THUMPD2: variants seen among roughly 807,000 people sequenced by gnomAD.
The protein encoded by THUMPD2 is THUMP domain 2 tRNA and snRNA guanosine methyltransferase, also known as U6 snRNA (guanine-N(2))-methyltransferase THUMPD2.
In THUMPD2, 56 loss-of-function variants were observed where a neutral mutation model predicts 49.4. The observed-to-expected ratio is 1.13, with a 90% CI of 0.91 to 1.41. The LOEUF (loss-of-function observed/expected upper bound fraction) is 1.41, where lower values mean the gene tolerates loss of function less well. THUMPD2 is among the 40% of genes most tolerant of loss of function. THUMPD2 has a pLI of 0.00. For synonymous variants in THUMPD2, 237 were observed against 205.2 expected, an observed-to-expected ratio of 1.15 and a Z score of -1.32; for missense variants, 709 against 594.5, an observed-to-expected ratio of 1.19 and a Z score of -2.00.
intron 4 of THUMPD2, among the ~76,000 whole-genome samples, chr2:39,766,690 T>C (rs912868917): frequency 6.6e-6 from 1 of 152,234 alleles, no homozygotes; most frequent in African/African-American, 2.4e-5. Flanking sequence ...AGAATCTTAC[T>C]TTTGTAGCCT....
At chr2:39,763,904 G>A (rs1677161505) in intron 5 of THUMPD2, among the ~76,000 whole-genome samples, 1 of 151,684 alleles carries the variant, frequency 6.6e-6, no homozygotes, top group Non-Finnish European at 1.5e-5. Context: ...CTTAAACAAG[G>A]CACTTCATGG....
chr2:39,776,383 C>T (rs1679094317), intron 1 of THUMPD2, among the ~76,000 whole-genome samples: 1 of 146,622 alleles, frequency 6.8e-6, no homozygotes, highest in Non-Finnish European at 1.5e-5. Context: ...ACCATAGAGA[C>T]TCAGTATACT....
intron 3 of THUMPD2, chr2:39,769,002 G>T (rs898605164): frequency 7.7e-7 from 1 of 1,304,642 alleles, no homozygotes; most frequent in Non-Finnish European, 1.0e-6. Context: ...TCTGGTGATG[G>T]CAACAGTTTG....
intron 9 of THUMPD2, among the ~76,000 whole-genome samples, chr2:39,738,177 T>A (rs1449551477): frequency 2.6e-5 from 4 of 152,066 alleles, no homozygotes; most frequent in Non-Finnish European, 5.9e-5. Flanking sequence ...AGAAGACCCA[T>A]GAAGTAGACA....
chr2:39,768,987 T>C, intron 3 of THUMPD2: 1 of 1,303,686 alleles, frequency 7.7e-7, no homozygotes, highest in Non-Finnish European at 1.0e-6. Context: ...GGCCAACTGA[T>C]GAGGTCTGGT....
intron 1 of THUMPD2, among the ~76,000 whole-genome samples, chr2:39,773,197 A>T (rs1437466571): frequency 6.6e-6 from 1 of 152,212 alleles, no homozygotes; most frequent in Non-Finnish European, 1.5e-5. Context: ...GAAACTTGAA[A>T]ACAAAGTTTC....
chr2:39,760,461 T>A (rs560887915), intron 6 of THUMPD2, among the ~76,000 whole-genome samples: 1 of 152,236 alleles, frequency 6.6e-6, no homozygotes, highest in South Asian at 2.1e-4. Flanking sequence ...GATTAGCAAG[T>A]AACTTGGTCA....
At chr2:39,770,347 A>C (rs1465816962) in intron 2 of THUMPD2, among the ~76,000 whole-genome samples, 2 of 152,142 alleles carry the variant, frequency 1.3e-5, no homozygotes, top group Non-Finnish European at 2.9e-5. Context: ...TTGTGTTAAA[A>C]TTCCTATAGA....
At chr2:39,749,580 T>G (rs1229248328) in intron 8 of THUMPD2, among the ~76,000 whole-genome samples, 1 of 152,238 alleles carries the variant, frequency 6.6e-6, no homozygotes, top group Non-Finnish European at 1.5e-5. Context: ...CTAGCATTCT[T>G]AGAATTACTA....
chr2:39,748,758 G>A (rs1224210400), intron 8 of THUMPD2, among the ~76,000 whole-genome samples: 2 of 152,060 alleles, frequency 1.3e-5, no homozygotes, highest in African/African-American at 2.4e-5. Context: ...GGGAGGCTGA[G>A]CTGGGAGGAT....
chr2:39,744,145 C>T (rs1674273522), intron 9 of THUMPD2, among the ~76,000 whole-genome samples: 1 of 151,246 alleles, frequency 6.6e-6, no homozygotes, highest in Admixed American at 6.6e-5. Context: ...AATCTCAGTA[C>T]ATAATAGAAA....
In THUMPD2 at chr2:39,746,256, G is replaced by A. The variant is rs535866480; in HGVS notation, c.1079-1778C>T. On this transcript the variant is annotated intron_variant, in intron 8 of 9. Coordinates refer to ENST00000505747, the MANE Select transcript of THUMPD2 (RefSeq NM_025264.5). Reference sequence around the variant, plus strand: ...CTTGGGCATCCAAGGTTGAGGTAGGGCAACTACTTCCAGGTGGGCCTCTCT... The same window carrying A: ...CTTGGGCATCCAAGGTTGAGGTAGGACAACTACTTCCAGGTGGGCCTCTCT... Among the ~76,000 whole-genome samples, 130 of 152,252 alleles carry A rather than the reference G, an allele frequency of 8.5e-4. 1 individual carries two copies. The highest frequency in any genetic ancestry group is 3.0e-3 in the African/African-American group (125 of 41,528).
At chr2:39,747,741 A>AT (rs1674803187) in intron 8 of THUMPD2, among the ~76,000 whole-genome samples, 1 of 152,096 alleles carries the variant, frequency 6.6e-6, no homozygotes, top group Admixed American at 6.6e-5. Flanking sequence ...TTTCAGTTCT[A>AT]TTTTTTCATA....
intron 3 of THUMPD2, chr2:39,768,962 A>C: frequency 6.9e-6 from 9 of 1,304,478 alleles, no homozygotes; most frequent in Non-Finnish European, 9.1e-6. Context: ...CTTTAACATC[A>C]CTGAACTTTG....
At chr2:39,777,566 T>A (rs1271482491) in intron 1 of THUMPD2, among the ~76,000 whole-genome samples, 1 of 152,232 alleles carries the variant, frequency 6.6e-6, no homozygotes, top group Non-Finnish European at 1.5e-5. Context: ...TTTTAAGTGT[T>A]TAATAAATGT....
At position 39,744,514 on chromosome 2, in the gene THUMPD2, G is replaced by A. The variant is rs756556256; in HGVS notation, c.1079-36C>T. Reference sequence around the variant, plus strand: ...GAAATCAGAGAATCCTATTACAGTAGGGTCAAATATTTACAACTTAAATAA... The same window carrying A: ...GAAATCAGAGAATCCTATTACAGTAAGGTCAAATATTTACAACTTAAATAA... On this transcript the variant is annotated intron_variant, in intron 8 of 9. Transcript: ENST00000505747. 4 of 1,316,192 alleles carry A rather than the reference G, an allele frequency of 3.0e-6. No homozygotes were observed. In the African/African-American group the frequency reaches 4.6e-5, roughly 15 times the overall value. 81.5% of individuals were successfully genotyped at this position (1,316,192 alleles called of 1,614,324 possible). A position where few individuals can be genotyped will look rare whatever the true frequency, so the allele number is the denominator to read the frequency against.
chr2:39,756,829 C>T (rs892209852), intron 6 of THUMPD2, among the ~76,000 whole-genome samples: 1 of 151,420 alleles, frequency 6.6e-6, no homozygotes, highest in Non-Finnish European at 1.5e-5. Flanking sequence ...ACTGTTCTTT[C>T]TTAGTTAATG....
intron 8 of THUMPD2, among the ~76,000 whole-genome samples, chr2:39,750,019 C>T (rs6731026): frequency 0.56 from 85,120 of 152,086 alleles, 24,885 homozygotes; most frequent in East Asian, 0.75. Flanking sequence ...TTTGGGTTGA[C>T]TCTGTGTCTT....
chr2:39,770,053 G>C lies in THUMPD2; in HGVS notation c.329C>G (p.Ser110Ter). Residue 110 changes from serine to a stop codon, truncating the protein, a stop_gained, in exon 3 of 10, where the codon TCA (serine) becomes TGA (stop). Transcript: ENST00000505747. LOFTEE classifies it high-confidence loss of function. ...EDPGSWLNAI[S>*]IWKNLLELDA... is the part of the protein sequence containing the mutation. Reference sequence around the variant, plus strand: ...AAGTTCAAGAAGATTTTTCCAAATTGAAATGGCATTCAACCAACTTCCTGG... The same window carrying C: ...AAGTTCAAGAAGATTTTTCCAAATTCAAATGGCATTCAACCAACTTCCTGG... The C allele has an allele frequency of 6.4e-7, 1 of 1,566,356 alleles. No homozygotes were observed. The highest frequency in any genetic ancestry group is 1.2e-5 in the South Asian group (1 of 81,360).
Sources: allele counts gnomAD v4.1 joint callset (sites outside exome capture counted in the v4.1 genomes callset), GRCh38; gene constraint gnomAD v4.1.1; transcripts MANE v1.5; gene names NCBI Gene and HGNC (gene_info 2026-07-23, HGNC 2026-07-21).